ST3GAL1: variants seen among roughly 807,000 people sequenced by gnomAD.
ST3GAL1 encodes CMP-N-acetylneuraminate-beta-galactosamide-alpha-2,3-sialyltransferase 1.
A neutral mutation model predicts 34.1 loss-of-function variants in ST3GAL1; 16 were observed. The ratio of observed to expected loss-of-function variants is 0.47; its 90% CI spans 0.32 to 0.71. The LOEUF (loss-of-function observed/expected upper bound fraction) is 0.71, where lower values mean the gene tolerates loss of function less well. Ranked by LOEUF, ST3GAL1 falls within the 30% of genes least tolerant of loss-of-function variation. The probability of loss-of-function intolerance (pLI) is 0.04; values close to 1 mark genes in which losing one functional copy is unlikely to be tolerated. For synonymous variants in ST3GAL1, 191 were observed against 184.7 expected (o/e 1.03, Z -0.28); for missense variants, 353 against 447.4 (o/e 0.79, Z 1.90).
In ST3GAL1 at chr8:133,527,438, C is replaced by T. The variant is rs116759402; in HGVS notation, c.-429+18336G>A. ...CTGCAAGTCTGAATCCTTTACACTG[C>T]ATGTCAGCTTAGAATAATGACGGTT... On this transcript the variant is annotated intron_variant, in intron 2 of 9. Coordinates refer to ENST00000522652, the MANE Select transcript of ST3GAL1 (RefSeq NM_173344.3). Among the ~76,000 whole-genome samples, 225 of 152,212 alleles carry T rather than the reference C, an allele frequency of 1.5e-3. 1 individual carries two copies. The highest frequency in any genetic ancestry group is 5.2e-3 in the African/African-American group (214 of 41,550).
Position 133,523,181 on chromosome 8 carries a change from G to A in ST3GAL1, c.-429+22593C>T, listed in dbSNP as rs540333511. Among the ~76,000 whole-genome samples, 3 of 152,222 alleles carry A rather than the reference G, an allele frequency of 2.0e-5. No homozygotes were observed. In the East Asian group the frequency reaches 5.8e-4, roughly 30 times the overall value. Reference sequence around the variant, plus strand: ...GAGGGGAGTTGCGTGGCTTCTGGGAGCAGGGGAAGTGGGTCCTAACTCTTC... The same window carrying A: ...GAGGGGAGTTGCGTGGCTTCTGGGAACAGGGGAAGTGGGTCCTAACTCTTC... On this transcript the variant is annotated intron_variant, in intron 2 of 9. Transcript: ENST00000522652.
intron 2 of ST3GAL1, among the ~76,000 whole-genome samples, chr8:133,521,366 T>C (rs1407833610): frequency 6.6e-6 from 1 of 152,156 alleles, no homozygotes; most frequent in African/African-American, 2.4e-5. Flanking sequence ...TGGCGTGATC[T>C]CCGCTCACTG....
intron 3 of ST3GAL1, among the ~76,000 whole-genome samples, chr8:133,493,328 C>T (rs1474518006): frequency 6.6e-6 from 1 of 152,178 alleles, no homozygotes; most frequent in African/African-American, 2.4e-5. Context: ...TGGAGAGAAA[C>T]GAAGACTGGA....
intron 2 of ST3GAL1, among the ~76,000 whole-genome samples, chr8:133,507,373 A>C (rs2102861): frequency 0.55 from 83,946 of 152,230 alleles, 23,674 homozygotes; most frequent in African/African-American, 0.66. Context: ...CATCTTCCCC[A>C]CAACCCACGC....
intron 2 of ST3GAL1, among the ~76,000 whole-genome samples, chr8:133,526,443 G>A (rs1331990724): frequency 6.6e-6 from 1 of 152,162 alleles, no homozygotes; most frequent in African/African-American, 2.4e-5. Context: ...GAAGGGTTTT[G>A]TCTAATCAAA....
intron 1 of ST3GAL1, among the ~76,000 whole-genome samples, chr8:133,560,021 G>A (rs1442363720): frequency 6.6e-6 from 1 of 152,210 alleles, no homozygotes; most frequent in Non-Finnish European, 1.5e-5. Context: ...TTACAGATAG[G>A]AGGAATAGGT....
chr8:133,525,886 T>G (rs1258490371), intron 2 of ST3GAL1, among the ~76,000 whole-genome samples: 1 of 152,192 alleles, frequency 6.6e-6, no homozygotes, highest in Non-Finnish European at 1.5e-5. Context: ...GGGGGCTTCC[T>G]GGGTCCCCAA....
At chr8:133,551,586 GAAAGAAAGAAAGAAAGA>G (rs1563739102) in intron 1 of ST3GAL1, among the ~76,000 whole-genome samples, 3 of 149,884 alleles carry the variant, frequency 2.0e-5, no homozygotes, top group African/African-American at 7.5e-5. Flanking sequence ...AAGAAAGAAA[GAAAGAAAGAAAGAAAGA>G]AAGAAAGAAA....
intron 3 of ST3GAL1, among the ~76,000 whole-genome samples, chr8:133,495,454 T>C (rs1005651954): frequency 6.6e-6 from 1 of 152,200 alleles, no homozygotes. Context: ...TTTACCCAAT[T>C]TCGCACTTAA....
chr8:133,565,086 T>A (rs190540744), intron 1 of ST3GAL1, among the ~76,000 whole-genome samples: 6 of 152,094 alleles, frequency 3.9e-5, no homozygotes, highest in Admixed American at 2.0e-4. Flanking sequence ...CAACTGGTAA[T>A]CTTGTGACTA....
intron 1 of ST3GAL1, among the ~76,000 whole-genome samples, chr8:133,563,579 C>T (rs1294255224): frequency 6.6e-6 from 1 of 151,578 alleles, no homozygotes; most frequent in Non-Finnish European, 1.5e-5. Flanking sequence ...GATGTGGCAA[C>T]CGTGGCATGG....
Position 133,461,914 on chromosome 8 carries a change from G to C in ST3GAL1, c.810C>G (p.Gly270=). The C allele has an allele frequency of 6.2e-6, 10 of 1,614,216 alleles. No homozygotes were observed. The highest frequency in any genetic ancestry group is 8.5e-6 in the Non-Finnish European group (10 of 1,180,036). ...GCATTGAGAAGATGACCGAGAGGATGCCGGTAGATGGGTATCGCCCGTGCC... is the reference window on the plus strand; with the variant it reads ...GCATTGAGAAGATGACCGAGAGGATCCCGGTAGATGGGTATCGCCCGTGCC... ...LQGHGRYPST[G]ILSVIFSMHV... The change falls in exon 9 of 10, where the codon GGC becomes GGG. Residue 270 remains glycine, a synonymous_variant. Coordinates refer to ENST00000522652, the MANE Select transcript of ST3GAL1 (RefSeq NM_173344.3). The surrounding 1 kb of genome is among the most constrained non-coding windows in gnomAD (Gnocchi z 4.7).
intron 2 of ST3GAL1, among the ~76,000 whole-genome samples, chr8:133,540,977 G>GACATATATATAGACATATATATA (rs1818488243): frequency 5.1e-5 from 1 of 19,606 alleles, no homozygotes; most frequent in Non-Finnish European, 8.4e-5. Context: ...ACATATATAT[G>GACATATATATAGACATATATATA]CAGACATATA....
intron 3 of ST3GAL1, among the ~76,000 whole-genome samples, chr8:133,486,063 G>C (rs143191273): frequency 1.2e-3 from 183 of 152,300 alleles, no homozygotes; most frequent in African/African-American, 4.2e-3. Flanking sequence ...TCCCGATGAA[G>C]GTACTGGGTA....
At chr8:133,477,302 A>G (rs1355388972) in intron 3 of ST3GAL1, among the ~76,000 whole-genome samples, 1 of 152,230 alleles carries the variant, frequency 6.6e-6, no homozygotes, top group Non-Finnish European at 1.5e-5. Context: ...TCAACATGTG[A>G]ATGAATCAAT....
intron 3 of ST3GAL1, among the ~76,000 whole-genome samples, chr8:133,477,537 G>A (rs112492670): frequency 1.4e-5 from 2 of 147,970 alleles, no homozygotes; most frequent in Non-Finnish European, 3.0e-5. Flanking sequence ...GGGGTTGGGG[G>A]ACCAGGAACA....
At chr8:133,560,218 C>T (rs951017356) in intron 1 of ST3GAL1, among the ~76,000 whole-genome samples, 5 of 150,278 alleles carry the variant, frequency 3.3e-5, no homozygotes, top group Non-Finnish European at 5.9e-5. Context: ...AAACTCACTA[C>T]GTACCCCATA....
intron 1 of ST3GAL1, among the ~76,000 whole-genome samples, chr8:133,561,502 G>T (rs374847682): frequency 6.6e-6 from 1 of 151,948 alleles, no homozygotes; most frequent in South Asian, 2.1e-4. Flanking sequence ...TTGTGGTTCC[G>T]GTTCACTCCT....
chr8:133,502,548 C>A (rs1817214496), intron 2 of ST3GAL1, among the ~76,000 whole-genome samples: 1 of 152,168 alleles, frequency 6.6e-6, no homozygotes, highest in Non-Finnish European at 1.5e-5. Context: ...CAGAAACCAA[C>A]CCTGATGACA....
Sources: allele counts gnomAD v4.1 joint callset (sites outside exome capture counted in the v4.1 genomes callset), GRCh38; gene constraint gnomAD v4.1.1; non-coding constraint Gnocchi (gnomAD v3.1); transcripts MANE v1.5; gene names NCBI Gene and HGNC (gene_info 2026-07-23, HGNC 2026-07-21).